Variants in PDZD7 observed in about 807,000 individuals in gnomAD.
PDZD7 encodes PDZ domain-containing protein 7.
PDZD7 carries 72 observed loss-of-function variants against 84.7 expected under a neutral mutation model. The observed-to-expected ratio is 0.85, with a 90% confidence interval of 0.70 to 1.03. The LOEUF is 1.03. Among genes scored for constraint, PDZD7 ranks in the 50% least tolerant of loss-of-function variants. PDZD7 has a pLI of 0.00. For synonymous variants in PDZD7, 594 were observed against 580.7 expected (o/e 1.02, Z -0.33); for missense variants, 1,490 against 1,412.9 (o/e 1.05, Z -0.87).
rs2134004404 is a variant in PDZD7, at chr10:101,011,987, C to T, written c.1871G>A (p.Arg624His). Residue 624 changes from arginine (R) to histidine (H), a missense_variant, in exon 13 of 17, where the codon CGC becomes CAC. Coordinates refer to ENST00000619208, the MANE Select transcript of PDZD7 (RefSeq NM_001195263.2). ...RSVVAPTDLG[R>H]FDSMVMLVEL... is the part of the protein sequence containing the mutation. ...CACAAGCATCACCATGCTGTCGAAG[C>T]GGCCCAGGTCTGTGGGGGCCACCAC... 2.6e-6 allele frequency: 4 copies of T among 1,550,512 alleles called. No homozygotes were observed. The highest frequency in any genetic ancestry group is 3.5e-6 in the Non-Finnish European group (4 of 1,146,984).
chr10:101,011,213 T>C (rs1192524056), intron 14 of PDZD7: 33 of 528,148 alleles, frequency 6.2e-5, no homozygotes, highest in Non-Finnish European at 7.6e-5. Flanking sequence ...AGGTCATTTT[T>C]GTATTTTTAG....
intron 11 of PDZD7, among the ~76,000 whole-genome samples, chr10:101,014,845 G>A (rs926359615): frequency 1.3e-5 from 2 of 152,144 alleles, no homozygotes; most frequent in Admixed American, 6.5e-5. Context: ...GAAGGGTGAG[G>A]GAATCCACAA....
intron 1 of PDZD7, 86 bp downstream of exon 1, chr10:101,030,987 G>A (rs1221547586): frequency 2.0e-5 from 3 of 153,192 alleles, no homozygotes; most frequent in Admixed American, 6.5e-5. Context: ...AGTTCCCTCA[G>A]AGAAGCTCTG....
rs1427170901 is a variant in PDZD7 at position 101,015,719 on chromosome 10, T to C, written c.1666A>G (p.Ser556Gly). Residue 556 changes from serine (S) to glycine (G), a missense_variant, in exon 11 of 17, where the codon AGC (serine) becomes GGC (glycine). By Grantham distance (56) the Ser-to-Gly change is moderately conservative (BLOSUM62 0). Coordinates refer to ENST00000619208, the MANE Select transcript of PDZD7 (RefSeq NM_001195263.2). ...NVDEQVQAWE[S>G]RRPLIQDLAQ... is the part of the protein sequence containing the mutation. ...AGGTCCTGAATGAGGGGCCGCCGGC[T>C]CTCCCAGGCCTGAACCTGCTCATCC... 2.6e-6 allele frequency: 4 copies of C among 1,550,222 alleles called. No homozygotes were observed. The highest frequency in any genetic ancestry group is 2.6e-6 in the Non-Finnish European group (3 of 1,146,958).
In PDZD7 at chr10:101,010,546, GCGGCTGCGGCTACGGCTGCGGCTA is replaced by G. The variant is rs762000985; in HGVS notation, c.2319_2342del (p.Arg777_Ser784del). 1.0e-4 allele frequency: 154 copies of G among 1,526,544 alleles called. No homozygotes were observed. The highest frequency in any genetic ancestry group is 3.4e-4 in the Middle Eastern group (2 of 5,962). The allele number at this position is 1,526,544 out of a possible 1,614,324, so 94.6% of individuals were successfully genotyped here. On this transcript the variant is annotated inframe_deletion, in exon 15 of 17. Coordinates refer to ENST00000619208, the MANE Select transcript of PDZD7 (RefSeq NM_001195263.2). Reference sequence around the variant, plus strand: ...TGCCTTGACCCCGGCTGCTGCGGCTGCGGCTGCGGCTACGGCTGCGGCTACGGCTCTGAGCCCGGCCCCGGATCT... The same window carrying G: ...TGCCTTGACCCCGGCTGCTGCGGCTGCGGCTCTGAGCCCGGCCCCGGATCT...
At position 101,030,289 on chromosome 10, in the gene PDZD7, C is replaced by G; in HGVS notation, c.-70G>C. On this transcript the variant is annotated 5_prime_UTR_variant, in exon 2 of 17. Coordinates refer to ENST00000619208, the MANE Select transcript of PDZD7 (RefSeq NM_001195263.2). The stretch of plus-strand genomic sequence containing the variant: ...GCTAGCTCTGGAGAGGCCAGCCCTG[C>G]GTGCTTCGAGCTCCATGAGCCTCTG... The G allele has an allele frequency of 1.8e-5, 25 of 1,376,586 alleles. No individual in the cohort carries two copies. The highest frequency in any genetic ancestry group is 2.5e-5 in the Non-Finnish European group (25 of 999,400). The allele number at this position is 1,376,586 out of a possible 1,614,324, so 85.3% of individuals were successfully genotyped here.
intron 4 of PDZD7, chr10:101,023,121 C>T (rs966588495): frequency 1.4e-5 from 4 of 295,284 alleles, no homozygotes; most frequent in Non-Finnish European, 2.5e-5. Context: ...TGCTATGTTG[C>T]CCAGGCTAGG....
Position 101,023,533 on chromosome 10 carries a change from C to T in PDZD7, c.445G>A (p.Ala149Thr), listed in dbSNP as rs767110888. ...LSLESTTMGS[A>T]VKVLTSSSRL... Reference sequence around the variant, plus strand: ...CTGCTGCTGGTCAGCACCTTTACGGCGCTACCCATGGTGGTGCTCTCCAGG... The same window carrying T: ...CTGCTGCTGGTCAGCACCTTTACGGTGCTACCCATGGTGGTGCTCTCCAGG... Residue 149 changes from alanine to threonine, a missense_variant, in exon 4 of 17, where the codon GCC (alanine) becomes ACC (threonine). By Grantham distance (58) the Ala-to-Thr change is moderately conservative. Coordinates refer to ENST00000619208, the MANE Select transcript of PDZD7 (RefSeq NM_001195263.2). 4 of 1,613,978 alleles carry T rather than the reference C, an allele frequency of 2.5e-6. No individual in the cohort carries two copies. The East Asian group carries it at 6.7e-5, about 27-fold the overall frequency.
chr10:101,019,307 G>A, intron 7 of PDZD7, 90 bp from the exon 8 acceptor site: 5 of 1,475,138 alleles, frequency 3.4e-6, no homozygotes, highest in Middle Eastern at 2.3e-4. Context: ...GGGTGGAGGA[G>A]GCAAGGTCAG....
At chr10:101,017,880 AAAG>A (rs1852765458) in intron 9 of PDZD7, 24 of 240,862 alleles carry the variant, frequency 1.0e-4, no homozygotes, top group Non-Finnish European at 1.8e-4. Context: ...AGAAAGAAAG[AAAG>A]AAAGAAAGAA....
chr10:101,013,653 C>G (rs914521465), intron 11 of PDZD7, among the ~76,000 whole-genome samples: 4 of 152,174 alleles, frequency 2.6e-5, no homozygotes, highest in Admixed American at 6.5e-5. Context: ...TGAGTAGCGT[C>G]TCTGAGGTTG....
At chr10:101,017,908 GAAAGAAAAGAAAGAAAGAAAA>G (rs1564632778) in intron 9 of PDZD7, 170 bp downstream of exon 9, 1 of 417,632 alleles carries the variant, frequency 2.4e-6, no homozygotes, top group African/African-American at 2.7e-5. Context: ...AAGAAAGAAA[GAAAGAAAAGAAAGAAAGAAAA>G]AGAAATAGGT....
rs778844110 is a variant in PDZD7, at chr10:101,010,577, T to C, written c.2312A>G (p.Gln771Arg). The C allele has an allele frequency of 1.1e-5, 17 of 1,501,396 alleles. 1 individual carries two copies. The South Asian group carries it at 1.7e-4, about 15-fold the overall frequency. The allele number at this position is 1,501,396 out of a possible 1,614,324, so 93.0% of individuals were successfully genotyped here. ...GCGGCTACGGCTGCGGCTACGGCTC[T>C]GAGCCCGGCCCCGGATCTGGCTCTG... The part of the protein sequence containing the change: ...PPQSQIRGRA[Q>R]SRSRSRSRSR... The change falls in exon 15 of 17, where the codon CAG becomes CGG. Residue 771 changes from glutamine (Q) to arginine (R), a missense_variant. By Grantham distance (43) the Gln-to-Arg change is conservative. Transcript: ENST00000619208.
intron 16 of PDZD7, 105 bp from the exon 17 acceptor site, chr10:101,008,955 T>A: frequency 7.4e-7 from 1 of 1,342,864 alleles, no homozygotes; most frequent in South Asian, 1.6e-5. Flanking sequence ...AGGACACTCC[T>A]CCCCCATCTG....
chr10:101,028,237 G>A (rs1048739962), intron 2 of PDZD7, among the ~76,000 whole-genome samples: 3 of 152,154 alleles, frequency 2.0e-5, no homozygotes, highest in East Asian at 1.9e-4. Context: ...GCACAGTGGC[G>A]CTAGCATGAG....
At chr10:101,030,988 A>T (rs1938136657) in intron 1 of PDZD7, 85 bp downstream of exon 1, 1 of 153,116 alleles carries the variant, frequency 6.5e-6, no homozygotes, top group African/African-American at 2.4e-5. Flanking sequence ...GTTCCCTCAG[A>T]GAAGCTCTGG....
At chr10:101,026,077 A>G (rs1234635641) in intron 2 of PDZD7, among the ~76,000 whole-genome samples, 1 of 152,074 alleles carries the variant, frequency 6.6e-6, no homozygotes, top group East Asian at 1.9e-4. Context: ...GGCCCTCTCC[A>G]TCACGCTGGG....
In PDZD7 at chr10:101,012,191, T is replaced by C; in HGVS notation, c.1817A>G (p.Lys606Arg). The C allele has an allele frequency of 6.4e-7, 1 of 1,550,498 alleles. No homozygotes were observed. Among genetic ancestry groups the C allele is most frequent in the Middle Eastern group, 1.7e-4 (1 of 5,992 alleles). The change falls in exon 12 of 17, where the codon AAG becomes AGG. Residue 606 changes from lysine (K) to arginine (R), a missense_variant. Lys to Arg is a conservative substitution (Grantham distance 26). Transcript: ENST00000619208. ...CCTGATGTCCTGCAGCAGTAGCAGCTTCTCCGGCCTGTCGAGGATGGCCAG... is the reference window on the plus strand; with the variant it reads ...CCTGATGTCCTGCAGCAGTAGCAGCCTCTCCGGCCTGTCGAGGATGGCCAG... The part of the protein sequence containing the change: ...PLLAILDRPE[K>R]LLLLQDIRSV...
In PDZD7 at chr10:101,031,112, C is replaced by G. The variant is rs995490559; in HGVS notation, c.-205G>C. The stretch of plus-strand genomic sequence containing the variant: ...GGCGCCGCCAGCCTTGTCAAACCAC[C>G]CGCAGGCGAGAGCTACTGCCGCAGC... On this transcript the variant is annotated 5_prime_UTR_variant, in exon 1 of 17. Transcript: ENST00000619208. 1 of 152,382 alleles carries G rather than the reference C, an allele frequency of 6.6e-6. No homozygotes were observed. Among genetic ancestry groups the G allele is most frequent in the Non-Finnish European group, 1.5e-5 (1 of 68,140 alleles). 9.4% of individuals were successfully genotyped at this position (152,382 alleles called of 1,614,324 possible). A position where few individuals can be genotyped will look rare whatever the true frequency, so the allele number is the denominator to read the frequency against.
Sources: allele counts gnomAD v4.1 joint callset (sites outside exome capture counted in the v4.1 genomes callset), GRCh38; gene constraint gnomAD v4.1.1; transcripts MANE v1.5; gene names NCBI Gene and HGNC (gene_info 2026-07-23, HGNC 2026-07-21).